PDE3B: variants seen among roughly 807,000 people sequenced by gnomAD.
PDE3B encodes the protein cGMP-inhibited 3',5'-cyclic phosphodiesterase 3B.
A neutral mutation model predicts 116.8 loss-of-function variants in PDE3B; 66 were observed. The observed-to-expected ratio is 0.56, with a 90% CI of 0.46 to 0.69. The LOEUF (loss-of-function observed/expected upper bound fraction) is 0.69. Ranked by LOEUF, PDE3B falls within the 30% of genes least tolerant of loss-of-function variation. PDE3B has a pLI of 0.00. For missense variants in PDE3B, 1,384 were observed against 1,368.1 expected, an observed-to-expected ratio of 1.01 and a Z score of -0.18; for synonymous variants, 595 against 533.6, an observed-to-expected ratio of 1.12 and a Z score of -1.59.
chr11:14,876,132 G>A (rs1490854825), downstream of PDE3B, among the ~76,000 whole-genome samples: 1 of 152,128 alleles, frequency 6.6e-6, no homozygotes, highest in African/African-American at 2.4e-5. Context: ...GAGCAGATAT[G>A]ACACTAAGTA....
chr11:14,668,155 T>C (rs1014442236), intron 1 of PDE3B, among the ~76,000 whole-genome samples: 1 of 152,092 alleles, frequency 6.6e-6, no homozygotes, highest in Non-Finnish European at 1.5e-5. Context: ...TTGGACATTA[T>C]CTACTTTTTC....
chr11:14,704,631 G>A (rs978426378), intron 1 of PDE3B, among the ~76,000 whole-genome samples: 1 of 151,668 alleles, frequency 6.6e-6, no homozygotes, highest in Non-Finnish European at 1.5e-5. Flanking sequence ...GGCAAAGGTG[G>A]TAGGGCATTT....
chr11:14,785,644 G>A (rs1858165380), intron 2 of PDE3B, among the ~76,000 whole-genome samples: 1 of 151,976 alleles, frequency 6.6e-6, no homozygotes, highest in Admixed American at 6.6e-5. Flanking sequence ...AACATCATAT[G>A]TATGTTTTTT....
Position 14,644,907 on chromosome 11 carries a change from C to T in PDE3B, c.832C>T (p.Leu278=), listed in dbSNP as rs1422353949. The T allele has an allele frequency of 1.9e-6, 3 of 1,614,162 alleles. No individual in the cohort carries two copies. Among genetic ancestry groups the T allele is most frequent in the South Asian group, 1.1e-5 (1 of 91,084 alleles). The change falls in exon 1 of 16, where the codon CTG becomes TTG. Residue 278 remains leucine (L), a synonymous_variant. Coordinates refer to ENST00000282096, the MANE Select transcript of PDE3B (RefSeq NM_000922.4). ...QIREAPLHPR[L]SSAAEEKVPV... ...CAGGGAAGCGCCTCTTCATCCTCGA[C>T]TGTCCAGTGCCGCCGAAGAAAAAGT...
chr11:14,761,391 G>C (rs1857355814), intron 1 of PDE3B, among the ~76,000 whole-genome samples: 1 of 152,064 alleles, frequency 6.6e-6, no homozygotes, highest in Non-Finnish European at 1.5e-5. Flanking sequence ...GTTTTGATTT[G>C]TCAGTTTCTT....
Position 14,830,716 on chromosome 11 carries a change from T to A in PDE3B, c.1826T>A (p.Phe609Tyr). The change falls in exon 8 of 16, where the codon TTC (phenylalanine) becomes TAC (tyrosine). Residue 609 changes from phenylalanine (F) to tyrosine (Y), a missense_variant. By Grantham distance (22) the Phe-to-Tyr change is conservative (BLOSUM62 3). This residue lies in a region of PDE3B where 956 missense variants were observed against 806.8 expected (regional missense o/e 1.18). Coordinates refer to ENST00000282096, the MANE Select transcript of PDE3B (RefSeq NM_000922.4). Reference sequence around the variant, plus strand: ...TTGAAAGGTGAAGAAGAAAACATTTTCTCGAAAGAATCATTCAAACTTATG... The same window carrying A: ...TTGAAAGGTGAAGAAGAAAACATTTACTCGAAAGAATCATTCAAACTTATG... ...SGKSGEEENI[F>Y]SKESFKLMET... 1 of 1,471,432 alleles carries A rather than the reference T, an allele frequency of 6.8e-7. No individual in the cohort carries two copies. Among genetic ancestry groups the A allele is most frequent in the Non-Finnish European group, 9.0e-7 (1 of 1,106,738 alleles). 91.1% of individuals were successfully genotyped at this position (1,471,432 alleles called of 1,614,324 possible).
At chr11:14,666,408 G>A (rs1157596560) in intron 1 of PDE3B, among the ~76,000 whole-genome samples, 8 of 151,598 alleles carry the variant, frequency 5.3e-5, no homozygotes, top group Admixed American at 3.9e-4. Flanking sequence ...AAAAGCAATG[G>A]CAACAGAAGC....
chr11:14,886,164 A>C, the PDE3B span: 1 of 501,592 alleles, frequency 2.0e-6, no homozygotes, highest in Non-Finnish European at 3.6e-6. Context: ...TGAAAAGGGT[A>C]CTGGACTCGG....
chr11:14,730,666 T>C (rs776523535), intron 1 of PDE3B, among the ~76,000 whole-genome samples: 1 of 152,230 alleles, frequency 6.6e-6, no homozygotes, highest in Non-Finnish European at 1.5e-5. Context: ...ATACTAATAG[T>C]GCTATTTGAG....
intron 12 of PDE3B, among the ~76,000 whole-genome samples, chr11:14,851,319 C>CTAA (rs1159363824): frequency 6.6e-6 from 1 of 152,030 alleles, no homozygotes; most frequent in Non-Finnish European, 1.5e-5. Context: ...TATGTTTAAA[C>CTAA]CTTGGCTCTG....
the PDE3B span, among the ~76,000 whole-genome samples, chr11:14,882,052 A>G: frequency 5.9e-5 from 9 of 152,156 alleles, no homozygotes; most frequent in South Asian, 2.1e-4. Context: ...GGGGGTCATT[A>G]GTGCTGTGTA....
intron 1 of PDE3B, among the ~76,000 whole-genome samples, chr11:14,759,000 G>C (rs1565124398): frequency 6.6e-6 from 1 of 151,918 alleles, no homozygotes; most frequent in Non-Finnish European, 1.5e-5. Context: ...TTTGTCAAAG[G>C]CTTTTTCTGC....
chr11:14,816,247 C>G (rs560108620), intron 5 of PDE3B, among the ~76,000 whole-genome samples: 121 of 152,330 alleles, frequency 7.9e-4, no homozygotes, highest in African/African-American at 2.7e-3. Flanking sequence ...TTAATCACAT[C>G]TGAAAAATAT....
Position 14,708,942 on chromosome 11 carries a change from A to G in PDE3B, c.979-62995A>G, listed in dbSNP as rs534630935. ...TAAAATTATGTCTAAATAAAATACT[A>G]AAAATGGGTTAAAGTTATTTTTTGT... On this transcript the variant is annotated intron_variant, in intron 1 of 15. Transcript: ENST00000282096. Among the ~76,000 whole-genome samples, 20 of 152,298 alleles carry G rather than the reference A, an allele frequency of 1.3e-4. 1 individual carries two copies. Among genetic ancestry groups the G allele is most frequent in the Middle Eastern group, 3.4e-3 (1 of 294 alleles).
chr11:14,661,269 C>A (rs1232977185), intron 1 of PDE3B, among the ~76,000 whole-genome samples: 1 of 152,190 alleles, frequency 6.6e-6, no homozygotes, highest in Non-Finnish European at 1.5e-5. Flanking sequence ...GGAACCAAGC[C>A]AAATGTCCAA....
At chr11:14,895,927 G>A in the PDE3B span, among the ~76,000 whole-genome samples, 1 of 148,462 alleles carries the variant, frequency 6.7e-6, no homozygotes, top group South Asian at 2.2e-4. Context: ...GTGGCATGGT[G>A]ATGATGATGA....
At chr11:14,872,170 T>A (rs1730194548), downstream of PDE3B, 1 of 152,184 alleles carries the variant, frequency 6.6e-6, no homozygotes, top group Non-Finnish European at 1.5e-5. Flanking sequence ...TCAGAAATTC[T>A]CTGTATCTAG....
intron 1 of PDE3B, among the ~76,000 whole-genome samples, chr11:14,755,693 A>G (rs1158217515): frequency 6.6e-6 from 1 of 152,206 alleles, no homozygotes; most frequent in African/African-American, 2.4e-5. Context: ...GAAGACCCAC[A>G]TTACAAAACA....
At chr11:14,817,624 G>A (rs1453210255) in intron 5 of PDE3B, among the ~76,000 whole-genome samples, 1 of 151,972 alleles carries the variant, frequency 6.6e-6, no homozygotes, top group Non-Finnish European at 1.5e-5. Context: ...GGTGGCCTGT[G>A]CCTGTAGTCT....
Sources: allele counts gnomAD v4.1 joint callset (sites outside exome capture counted in the v4.1 genomes callset), GRCh38; gene constraint gnomAD v4.1.1; regional missense constraint gnomAD v4.1.1; transcripts MANE v1.5; gene names NCBI Gene and HGNC (gene_info 2026-07-23, HGNC 2026-07-21).